The following DCAF1 variants were observed in gnomAD, a reference collection of about 807,000 sequenced individuals.
The protein encoded by DCAF1 is DDB1 and CUL4 associated factor 1, also known as DDB1- and CUL4-associated factor 1.
DCAF1 carries 15 observed loss-of-function variants against 128.0 expected under a neutral mutation model. The ratio of observed to expected loss-of-function variants is 0.12; its 90% confidence interval spans 0.08 to 0.18. The LOEUF is 0.18. Among genes scored for constraint, DCAF1 ranks in the 10% least tolerant of loss-of-function variants. The pLI is 1.00. For synonymous variants in DCAF1, 610 were observed against 603.0 expected (o/e 1.01, Z -0.17); for missense variants, 988 against 1,649.5 (o/e 0.60, Z 6.95).
chr3:51,458,447 TC>T (rs1438507940), intron 6 of DCAF1, among the ~76,000 whole-genome samples: 1 of 152,034 alleles, frequency 6.6e-6, no homozygotes, highest in Non-Finnish European at 1.5e-5. Flanking sequence ...AGACTTAGAC[TC>T]CCACACAATA....
intron 23 of DCAF1, 102 bp downstream of exon 23, chr3:51,412,277 T>A (rs1698500633): frequency 6.6e-7 from 1 of 1,518,706 alleles, no homozygotes. Context: ...TGGCAACAGG[T>A]AGCAAAGGTT....
chr3:51,472,516 A>G (rs1704873209), intron 3 of DCAF1, among the ~76,000 whole-genome samples: 1 of 151,932 alleles, frequency 6.6e-6, no homozygotes, highest in Admixed American at 6.6e-5. Context: ...CCTCCCAAGT[A>G]GCTGGGTCTA....
At chr3:51,474,104 T>C (rs1169808575) in intron 3 of DCAF1, among the ~76,000 whole-genome samples, 1 of 151,638 alleles carries the variant, frequency 6.6e-6, no homozygotes, top group African/African-American at 2.4e-5. Flanking sequence ...CCACCACATC[T>C]GGCCCCTTCC....
At chr3:51,439,535 G>A (rs1036104116) in intron 9 of DCAF1, among the ~76,000 whole-genome samples, 5 of 146,124 alleles carry the variant, frequency 3.4e-5, no homozygotes, top group East Asian at 4.1e-4. Flanking sequence ...TCCACCTCCC[G>A]AGTTCAAGCG....
intron 3 of DCAF1, among the ~76,000 whole-genome samples, chr3:51,483,342 A>G (rs564270398): frequency 1.5e-4 from 23 of 152,002 alleles, no homozygotes; most frequent in African/African-American, 5.3e-4. Flanking sequence ...TGGGAGGCTG[A>G]GGCAGGAGAA....
chr3:51,463,293 TA>T, intron 5 of DCAF1, 66 bp from the exon 6 acceptor site: 1 of 998,056 alleles, frequency 1.0e-6, no homozygotes, highest in Non-Finnish European at 1.4e-6. Flanking sequence ...GGACATCTAA[TA>T]AAACCTCAAC....
In DCAF1 at chr3:51,420,626, T is replaced by C. The variant is rs1360906737; in HGVS notation, c.2344A>G (p.Ser782Gly). 3.1e-6 allele frequency: 5 copies of C among 1,614,032 alleles called. No homozygotes were observed. The African/African-American group carries it at 4.0e-5, about 13-fold the overall frequency. The change falls in exon 15 of 25, where the codon AGC (serine) becomes GGC (glycine). Residue 782 changes from serine (S) to glycine (G), a missense_variant. This residue lies in a region of DCAF1 where 76 missense variants were observed against 186.9 expected (regional missense o/e 0.41). Transcript: ENST00000684031. This position sits in a 1 kb window ranked among gnomAD's most constrained non-coding sequence, Gnocchi z 6.5. ...ATCAGCTGCTGGATCTGGCAGCTGC[T>C]GAAAAGGGGCAGTTTACTGATGATC... ...RQIISKLPLF[S>G]SCQIQQLMKE...
At chr3:51,503,675 G>C (rs1553664793), upstream of DCAF1, among the ~76,000 whole-genome samples, 1 of 152,128 alleles carries the variant, frequency 6.6e-6, no homozygotes, top group Non-Finnish European at 1.5e-5. Context: ...TGGACAAAGA[G>C]GAAATCCCAA....
chr3:51,404,397 T>C (rs949519467), intron 23 of DCAF1, among the ~76,000 whole-genome samples: 2 of 152,160 alleles, frequency 1.3e-5, no homozygotes, highest in South Asian at 4.2e-4. Flanking sequence ...CACAAAAAAA[T>C]TTTTTTTGTT....
At chr3:51,398,947 AAAG>A (rs2089435127) in intron 24 of DCAF1, 120 bp from the exon 25 acceptor site, 3 of 1,288,452 alleles carry the variant, frequency 2.3e-6, no homozygotes, top group Admixed American at 2.1e-5. Flanking sequence ...CAGTTTCCAG[AAAG>A]AAGAAAACAC....
chr3:51,498,461 G>GGTGTAGT (rs1413341295), intron 1 of DCAF1, among the ~76,000 whole-genome samples: 1 of 151,874 alleles, frequency 6.6e-6, no homozygotes, highest in Non-Finnish European at 1.5e-5. Flanking sequence ...AAACAGGCCA[G>GGTGTAGT]GTGTAGTGGC....
In DCAF1 at chr3:51,467,410, C is replaced by A. The variant is rs1704241667; in HGVS notation, c.188-534G>T. Among the ~76,000 whole-genome samples, 5 of 152,190 alleles carry A rather than the reference C, an allele frequency of 3.3e-5. No homozygotes were observed. The South Asian group carries it at 1.0e-3, about 32-fold the overall frequency. ...AGCAAACTATTGCGAGGACAAAAAA[C>A]CAAACACCTGTTCTCACTCATAGGT... is the stretch of plus-strand genomic sequence containing the variant. On this transcript the variant is annotated intron_variant, in intron 4 of 24. Transcript: ENST00000684031.
At chr3:51,453,725 G>A (rs1216013506) in intron 6 of DCAF1, among the ~76,000 whole-genome samples, 1 of 152,156 alleles carries the variant, frequency 6.6e-6, no homozygotes, top group Non-Finnish European at 1.5e-5. Context: ...GGCCAAGGCG[G>A]GCAGATCAGC....
chr3:51,504,999 A>C (rs1056067569), upstream of DCAF1, among the ~76,000 whole-genome samples: 137 of 152,174 alleles, frequency 9.0e-4, no homozygotes, highest in African/African-American at 3.1e-3. Context: ...GTGGTAGCTC[A>C]CGCCATAATC....
At chr3:51,492,051 G>T (rs74608602) in intron 2 of DCAF1, among the ~76,000 whole-genome samples, 1 of 151,756 alleles carries the variant, frequency 6.6e-6, no homozygotes, top group Non-Finnish European at 1.5e-5. Flanking sequence ...AGCTACTCGG[G>T]GGGGCTGAGG....
intron 6 of DCAF1, among the ~76,000 whole-genome samples, chr3:51,458,146 A>T (rs571975651): frequency 6.6e-6 from 1 of 152,306 alleles, no homozygotes; most frequent in African/African-American, 2.4e-5. Context: ...AAGACCCATC[A>T]GTGTGCTGTA....
intron 6 of DCAF1, among the ~76,000 whole-genome samples, chr3:51,457,988 G>C (rs1553643356): frequency 6.6e-6 from 1 of 152,106 alleles, no homozygotes; most frequent in Non-Finnish European, 1.5e-5. Flanking sequence ...ATTAACGCTA[G>C]GAAGAAACTG....
chr3:51,473,272 A>C (rs1704983446), intron 3 of DCAF1, among the ~76,000 whole-genome samples: 1 of 151,120 alleles, frequency 6.6e-6, no homozygotes, highest in African/African-American at 2.4e-5. Flanking sequence ...CAAAAAAAAA[A>C]AAAACAAGAA....
chr3:51,502,616 G>A (rs2108656788), upstream of DCAF1, among the ~76,000 whole-genome samples: 1 of 152,064 alleles, frequency 6.6e-6, no homozygotes, highest in African/African-American at 2.4e-5. Context: ...CCCTGGGTTG[G>A]TGATGGGAGC....
Sources: allele counts gnomAD v4.1 joint callset (sites outside exome capture counted in the v4.1 genomes callset), GRCh38; gene constraint gnomAD v4.1.1; regional missense constraint gnomAD v4.1.1; non-coding constraint Gnocchi (gnomAD v3.1); transcripts MANE v1.5; gene names NCBI Gene and HGNC (gene_info 2026-07-23, HGNC 2026-07-21).